The following PRKCE variants were observed in gnomAD, a reference collection of about 807,000 sequenced individuals.
The protein encoded by PRKCE is protein kinase C epsilon.
Under a neutral mutation model 85.4 loss-of-function variants are expected in PRKCE, and 16 were observed. The ratio of observed to expected loss-of-function variants is 0.19; its 90% CI spans 0.13 to 0.28. The LOEUF (loss-of-function observed/expected upper bound fraction) is 0.28. Among genes scored for constraint, PRKCE ranks in the 10% least tolerant of loss-of-function variants. The probability of loss-of-function intolerance (pLI) is 1.00; values close to 1 mark genes in which losing one functional copy is unlikely to be tolerated. For missense variants in PRKCE, 573 were observed against 975.2 expected (o/e 0.59, Z 5.49); for synonymous variants, 388 against 371.5 (o/e 1.04, Z -0.51).
Position 46,159,961 on chromosome 2 carries a change from C to A in PRKCE, c.2067+209C>A. ...ACATGTAACCTACTACAGCAGCACC[C>A]AAGATGATGATTTACGTGGGCCACA... is the stretch of plus-strand genomic sequence containing the variant. On this transcript the variant is annotated intron_variant, in intron 14 of 14. Coordinates refer to ENST00000306156, the MANE Select transcript of PRKCE (RefSeq NM_005400.3). This position sits in a 1 kb window ranked among gnomAD's most constrained non-coding sequence, Gnocchi z 4.1. 1.9e-6 allele frequency: 1 copy of A among 526,050 alleles called. No homozygotes were observed. Among genetic ancestry groups the A allele is most frequent in the Non-Finnish European group, 3.2e-6 (1 of 309,878 alleles). 32.6% of individuals were successfully genotyped at this position (526,050 alleles called of 1,614,324 possible).
At chr2:46,031,560 C>T (rs1181006432) in intron 10 of PRKCE, among the ~76,000 whole-genome samples, 1 of 151,962 alleles carries the variant, frequency 6.6e-6, no homozygotes, top group East Asian at 1.9e-4. Context: ...CAAAGGCAGA[C>T]ACACAGTCTT....
intron 6 of PRKCE, among the ~76,000 whole-genome samples, chr2:45,984,944 C>T (rs1332962512): frequency 2.6e-5 from 4 of 152,062 alleles, no homozygotes; most frequent in Non-Finnish European, 4.4e-5. Flanking sequence ...TCTGGGGAGA[C>T]AAAATGAGTC....
intron 3 of PRKCE, among the ~76,000 whole-genome samples, chr2:45,977,922 A>T (rs1370006399): frequency 6.6e-6 from 1 of 152,116 alleles, no homozygotes; most frequent in Admixed American, 6.5e-5. Flanking sequence ...GGGGAGAGCG[A>T]GTGAGGCCAG....
intron 2 of PRKCE, among the ~76,000 whole-genome samples, chr2:45,968,737 G>A (rs781481236): frequency 4.6e-5 from 7 of 152,290 alleles, no homozygotes; most frequent in East Asian, 1.9e-4. Flanking sequence ...TGAGGAGGGC[G>A]TTCAGTTTTT....
chr2:45,827,498 A>C (rs1690044893), intron 1 of PRKCE, among the ~76,000 whole-genome samples: 1 of 152,194 alleles, frequency 6.6e-6, no homozygotes. Context: ...GGAATTGTTC[A>C]TTTTTAAAGG....
At chr2:46,085,974 G>T (rs564503885) in intron 10 of PRKCE, among the ~76,000 whole-genome samples, 1 of 152,270 alleles carries the variant, frequency 6.6e-6, no homozygotes, top group East Asian at 1.9e-4. Context: ...CCACTAGACC[G>T]AGGTGATGCC....
At chr2:46,072,782 T>A (rs1156356857) in intron 10 of PRKCE, among the ~76,000 whole-genome samples, 1 of 152,188 alleles carries the variant, frequency 6.6e-6, no homozygotes, top group Non-Finnish European at 1.5e-5. Context: ...ATGGTTTTGA[T>A]GGGGGTGCAC....
intron 2 of PRKCE, among the ~76,000 whole-genome samples, chr2:45,947,311 G>T (rs1193460413): frequency 1.3e-5 from 2 of 152,132 alleles, no homozygotes; most frequent in South Asian, 2.1e-4. Flanking sequence ...GGAGCCAGGG[G>T]GTGGGGGAGA....
chr2:45,651,830 C>T lies in PRKCE; in HGVS notation c.-271C>T. 2.9e-6 allele frequency: 1 copy of T among 339,134 alleles called. No homozygotes were observed. The highest frequency in any genetic ancestry group is 5.4e-6 in the Non-Finnish European group (1 of 184,756). 21.0% of individuals were successfully genotyped at this position (339,134 alleles called of 1,614,324 possible). On this transcript the variant is annotated 5_prime_UTR_variant, in exon 1 of 15. Coordinates refer to ENST00000306156, the MANE Select transcript of PRKCE (RefSeq NM_005400.3). The stretch of plus-strand genomic sequence containing the variant: ...CTCGTCTTCTCTTCTGGAGGTGCAG[C>T]TGGTGGTCGGGGGGAGAGACTTGCT...
At chr2:46,144,103 G>A (rs1675832401) in intron 11 of PRKCE, among the ~76,000 whole-genome samples, 1 of 152,162 alleles carries the variant, frequency 6.6e-6, no homozygotes, top group African/African-American at 2.4e-5. Context: ...CAGGCATGGT[G>A]GCAAGGAATT....
At chr2:45,937,758 G>A (rs1409676649) in intron 2 of PRKCE, among the ~76,000 whole-genome samples, 1 of 151,946 alleles carries the variant, frequency 6.6e-6, no homozygotes, top group East Asian at 1.9e-4. Context: ...ATATATCATC[G>A]TTCCAACAAA....
chr2:46,149,528 G>A (rs1328256711), intron 12 of PRKCE, among the ~76,000 whole-genome samples: 1 of 152,116 alleles, frequency 6.6e-6, no homozygotes, highest in East Asian at 1.9e-4. Flanking sequence ...CTTGTAGAGT[G>A]GACAGCTCAG....
At chr2:45,812,383 G>C (rs1408293016) in intron 1 of PRKCE, among the ~76,000 whole-genome samples, 2 of 152,198 alleles carry the variant, frequency 1.3e-5, no homozygotes, top group Non-Finnish European at 2.9e-5. Context: ...CTGTTGAACT[G>C]TTACCCAGCA....
chr2:46,116,011 G>T (rs1160736673), intron 11 of PRKCE, among the ~76,000 whole-genome samples: 1 of 152,206 alleles, frequency 6.6e-6, no homozygotes, highest in Admixed American at 6.5e-5. Flanking sequence ...GAGGATTGGG[G>T]TGAGGTTTCT....
At chr2:45,912,239 C>T (rs1573849692) in intron 2 of PRKCE, among the ~76,000 whole-genome samples, 1 of 152,200 alleles carries the variant, frequency 6.6e-6, no homozygotes, top group East Asian at 1.9e-4. Flanking sequence ...AAGGTGTTAT[C>T]CCGTGACAGA....
In PRKCE at chr2:45,729,232, C is replaced by T. The variant is rs543910753; in HGVS notation, c.348+76784C>T. On this transcript the variant is annotated intron_variant, in intron 1 of 14. Coordinates refer to ENST00000306156, the MANE Select transcript of PRKCE (RefSeq NM_005400.3). ...TCCTTGCTGGTTAATTCACATAGGG[C>T]GGTGGAGGACACAGTGCAGTCTCTG... 8.5e-5 allele frequency among the ~76,000 whole-genome samples: 13 copies of T among 152,240 alleles called. No homozygotes were observed. The South Asian group carries it at 1.5e-3, about 17-fold the overall frequency.
intron 1 of PRKCE, among the ~76,000 whole-genome samples, chr2:45,683,564 C>A (rs372694539): frequency 4.6e-5 from 7 of 152,224 alleles, no homozygotes; most frequent in East Asian, 1.9e-4. Flanking sequence ...CTCTCAAGTA[C>A]CTTTGCTTCT....
intron 11 of PRKCE, among the ~76,000 whole-genome samples, chr2:46,129,840 A>AT (rs1262233937): frequency 6.6e-6 from 1 of 152,232 alleles, no homozygotes; most frequent in East Asian, 1.9e-4. Context: ...CCGATTTATT[A>AT]TTTTAATTGT....
intron 10 of PRKCE, among the ~76,000 whole-genome samples, chr2:46,071,136 C>A (rs1359663384): frequency 6.6e-6 from 1 of 152,210 alleles, no homozygotes; most frequent in Non-Finnish European, 1.5e-5. Flanking sequence ...CTCATTTTGA[C>A]ACCTTCCCCC....
Sources: gnomAD v4.1 joint callset for allele counts (sites outside exome capture counted in the v4.1 genomes callset) on GRCh38, gnomAD v4.1.1 for gene constraint, Gnocchi (gnomAD v3.1) non-coding constraint, MANE v1.5 for transcripts, NCBI Gene and HGNC (gene_info 2026-07-23, HGNC 2026-07-21) for gene names.